FMN1: variants seen among roughly 807,000 people sequenced by gnomAD.
The protein encoded by FMN1 is formin 1.
FMN1 carries 110 observed loss-of-function variants against 132.4 expected under a neutral mutation model. That is an observed-to-expected ratio of 0.83 (90% CI 0.71 to 0.97). The LOEUF (loss-of-function observed/expected upper bound fraction) is 0.97, where lower values mean the gene tolerates loss of function less well. Among genes scored for constraint, FMN1 ranks in the 50% least tolerant of loss-of-function variants. The pLI, the probability that FMN1 is intolerant of heterozygous loss-of-function variation, is 0.00. For missense variants in FMN1, 1,792 were observed against 1,705.3 expected (o/e 1.05, Z -0.90); for synonymous variants, 722 against 651.7 (o/e 1.11, Z -1.64).
chr15:32,950,054 C>CACATATATATATATACACATATAT lies in FMN1; in HGVS notation c.3138+14052_3138+14053insATATATGTGTATATATATATATGT, dbSNP rs1251606636. On this transcript the variant is annotated intron_variant, in intron 9 of 20. Coordinates refer to ENST00000616417, the MANE Select transcript of FMN1 (RefSeq NM_001277313.2). ...ATATACACATATATATATATATACA[C>CACATATATATATATACACATATAT]ATATATATATATATATATATATATA... 1.0e-3 allele frequency among the ~76,000 whole-genome samples: 5 copies of CACATATATATATATACACATATAT among 4,922 alleles called. 2 individuals carry two copies. Among genetic ancestry groups the CACATATATATATATACACATATAT allele is most frequent in the Non-Finnish European group, 2.7e-3 (5 of 1,878 alleles). 3.2% of individuals were successfully genotyped at this position (4,922 alleles called of 152,430 possible). A position where few individuals can be genotyped will look rare whatever the true frequency, so the allele number is the denominator to read the frequency against.
chr15:32,798,644 G>A (rs1381461707), intron 19 of FMN1, among the ~76,000 whole-genome samples, 160 bp downstream of exon 19: 5 of 152,092 alleles, frequency 3.3e-5, no homozygotes, highest in Admixed American at 6.5e-5. Flanking sequence ...AGCTTTCCCC[G>A]AATTTCCCTA....
chr15:32,936,023 G>T (rs2061260746), intron 9 of FMN1, among the ~76,000 whole-genome samples: 1 of 152,084 alleles, frequency 6.6e-6, no homozygotes, highest in African/African-American at 2.4e-5. Context: ...GTCTGCTACT[G>T]AACCCCACTA....
chr15:32,893,481 G>A (rs1175562234), intron 15 of FMN1, among the ~76,000 whole-genome samples: 2 of 152,262 alleles, frequency 1.3e-5, no homozygotes, highest in East Asian at 1.9e-4. Flanking sequence ...AAAAAGGCAT[G>A]ACTCTACATG....
intron 19 of FMN1, among the ~76,000 whole-genome samples, chr15:32,779,748 T>C (rs2056604345): frequency 6.6e-6 from 1 of 152,226 alleles, no homozygotes; most frequent in African/African-American, 2.4e-5. Context: ...TTAAACTTAA[T>C]TTTCACAACT....
At chr15:33,110,817 T>G (rs1338283295) in intron 4 of FMN1, among the ~76,000 whole-genome samples, 1 of 152,092 alleles carries the variant, frequency 6.6e-6, no homozygotes, top group Non-Finnish European at 1.5e-5. Context: ...AAGAACAACT[T>G]GTCAGTATTT....
chr15:33,161,313 T>C (rs1964879925), intron 3 of FMN1, among the ~76,000 whole-genome samples: 1 of 152,166 alleles, frequency 6.6e-6, no homozygotes, highest in Non-Finnish European at 1.5e-5. Context: ...GATTTAGCCA[T>C]TGGGAAACAG....
intron 6 of FMN1, among the ~76,000 whole-genome samples, chr15:33,025,738 A>C (rs2141037355): frequency 6.6e-6 from 1 of 152,310 alleles, no homozygotes; most frequent in African/African-American, 2.4e-5. Context: ...AAAATCTCAA[A>C]ATGATACAGA....
chr15:33,125,500 C>T (rs1441338399), intron 4 of FMN1, among the ~76,000 whole-genome samples: 1 of 151,922 alleles, frequency 6.6e-6, no homozygotes, highest in African/African-American at 2.4e-5. Flanking sequence ...GTCTGGTCTT[C>T]AAATGAACCC....
At chr15:32,818,145 T>C (rs1057108717) in intron 17 of FMN1, among the ~76,000 whole-genome samples, 2 of 152,308 alleles carry the variant, frequency 1.3e-5, no homozygotes, top group African/African-American at 4.8e-5. Flanking sequence ...ATTTGTGCTT[T>C]AGTTATATAG....
At position 32,857,088 on chromosome 15, in the gene FMN1, C is replaced by T; in HGVS notation, c.3855G>A (p.Val1285=). ...CCTTTGGGGACTCCTTGCACACCAC[C>T]ACCATCTGTTTCTCACTTGCTGTGA... ...RQLEASEKQM[V]VVCKESPKEY... is the part of the protein sequence containing the mutation. Residue 1285 remains valine, a synonymous_variant, in exon 17 of 21, where the codon GTG becomes GTA. Transcript: ENST00000616417. 1 of 1,613,668 alleles carries T rather than the reference C, an allele frequency of 6.2e-7. No homozygotes were observed. The highest frequency in any genetic ancestry group is 8.5e-7 in the Non-Finnish European group (1 of 1,179,580).
At chr15:32,797,641 A>G (rs1386723334) in intron 19 of FMN1, among the ~76,000 whole-genome samples, 1 of 152,028 alleles carries the variant, frequency 6.6e-6, no homozygotes, top group Non-Finnish European at 1.5e-5. Context: ...TATTCAGTTT[A>G]ATTCCCATGT....
intron 6 of FMN1, among the ~76,000 whole-genome samples, chr15:33,019,946 G>A (rs184840805): frequency 5.8e-4 from 89 of 152,366 alleles, no homozygotes; most frequent in African/African-American, 2.0e-3. Context: ...TGGGCTGAAG[G>A]GCTCAAGTGT....
chr15:32,974,700 A>C (rs1193629224), intron 7 of FMN1, among the ~76,000 whole-genome samples: 1 of 152,226 alleles, frequency 6.6e-6, no homozygotes, highest in African/African-American at 2.4e-5. Flanking sequence ...GCCAGAGGTG[A>C]AATCAACAAC....
At chr15:32,891,304 G>C (rs1167562360) in intron 15 of FMN1, among the ~76,000 whole-genome samples, 1 of 152,166 alleles carries the variant, frequency 6.6e-6, no homozygotes, top group Non-Finnish European at 1.5e-5. Context: ...CTGGAGTGCA[G>C]TGATGCGATG....
intron 10 of FMN1, among the ~76,000 whole-genome samples, chr15:32,925,693 T>C (rs953949642): frequency 1.3e-5 from 2 of 152,210 alleles, no homozygotes; most frequent in Non-Finnish European, 2.9e-5. Flanking sequence ...GAACCACTTA[T>C]GTGATGATAC....
chr15:33,108,863 C>A lies in FMN1; in HGVS notation c.1868-19889G>T, dbSNP rs570494097. Among the ~76,000 whole-genome samples, 31 of 152,282 alleles carry A rather than the reference C, an allele frequency of 2.0e-4. 1 individual carries two copies. The South Asian group carries it at 6.4e-3, about 32-fold the overall frequency. ...AAAGCAATTCATCCTAAATTTCACA[C>A]ATTGTTGTCTTTGGCCTCTGTCAGT... On this transcript the variant is annotated intron_variant, in intron 4 of 20. Coordinates refer to ENST00000616417, the MANE Select transcript of FMN1 (RefSeq NM_001277313.2).
At chr15:33,189,237 T>C (rs1965990591) in intron 2 of FMN1, among the ~76,000 whole-genome samples, 1 of 152,190 alleles carries the variant, frequency 6.6e-6, no homozygotes, top group Non-Finnish European at 1.5e-5. Context: ...GCTAGTCTCC[T>C]GTAAGTAGAA....
intron 6 of FMN1, among the ~76,000 whole-genome samples, chr15:33,038,696 A>G (rs931944838): frequency 1.3e-5 from 2 of 152,200 alleles, no homozygotes; most frequent in Admixed American, 1.3e-4. Flanking sequence ...ATTATTTGGA[A>G]TTATCCTTAC....
intron 9 of FMN1, among the ~76,000 whole-genome samples, chr15:32,936,966 T>C (rs2061290396): frequency 6.6e-6 from 1 of 152,214 alleles, no homozygotes; most frequent in Non-Finnish European, 1.5e-5. Flanking sequence ...TAGAGTATGC[T>C]GTGTCCCATC....
Sources: allele counts gnomAD v4.1 joint callset (sites outside exome capture counted in the v4.1 genomes callset), GRCh38; gene constraint gnomAD v4.1.1; transcripts MANE v1.5; gene names NCBI Gene and HGNC (gene_info 2026-07-23, HGNC 2026-07-21).